Variants in TSHZ2 observed in about 807,000 individuals in gnomAD.
The protein encoded by TSHZ2 is teashirt zinc finger homeobox 2, also known as teashirt homolog 2.
TSHZ2 carries 21 observed loss-of-function variants against 74.4 expected under a neutral mutation model. The observed-to-expected ratio is 0.28, with a 90% CI of 0.20 to 0.41. The LOEUF (loss-of-function observed/expected upper bound fraction) is 0.41. TSHZ2 is among the 10% of genes least tolerant of loss of function. The probability of loss-of-function intolerance (pLI) is 1.00; values close to 1 mark genes in which losing one functional copy is unlikely to be tolerated. For missense variants in TSHZ2, 1,244 were observed against 1,293.5 expected (o/e 0.96, Z 0.59); for synonymous variants, 540 against 515.3 (o/e 1.05, Z -0.65).
At chr20:53,146,763 A>C (rs1987550006) in intron 1 of TSHZ2, among the ~76,000 whole-genome samples, 1 of 152,210 alleles carries the variant, frequency 6.6e-6, no homozygotes, top group Non-Finnish European at 1.5e-5. Context: ...AGTCTGTCTT[A>C]AGGTGACCAA....
chr20:53,125,578 C>T lies in TSHZ2; in HGVS notation c.41-127921C>T, dbSNP rs149855619. Among the ~76,000 whole-genome samples, 487 of 152,274 alleles carry T rather than the reference C, an allele frequency of 3.2e-3. 5 individuals carry two copies. Among genetic ancestry groups the T allele is most frequent in the African/African-American group, 0.011 (455 of 41,564 alleles). ...CTACCTCAGGCTCTTTCCCACCCTA[C>T]GTTCCTGCAGGGGTTCTTAAGTATT... On this transcript the variant is annotated intron_variant, in intron 1 of 2. Coordinates refer to ENST00000371497, the MANE Select transcript of TSHZ2 (RefSeq NM_173485.6).
intron 1 of TSHZ2, among the ~76,000 whole-genome samples, chr20:53,222,313 T>G (rs1989583407): frequency 6.6e-6 from 1 of 152,202 alleles, no homozygotes; most frequent in African/African-American, 2.4e-5. Flanking sequence ...CCTTGAAATC[T>G]TCAACATTCT....
chr20:53,330,426 T>A (rs896724392), intron 2 of TSHZ2, among the ~76,000 whole-genome samples: 3 of 152,174 alleles, frequency 2.0e-5, no homozygotes, highest in Non-Finnish European at 4.4e-5. Context: ...TTAAGAGTGA[T>A]AATAATGAGA....
At chr20:53,154,675 G>T (rs754375159) in intron 1 of TSHZ2, among the ~76,000 whole-genome samples, 1 of 152,170 alleles carries the variant, frequency 6.6e-6, no homozygotes, top group Admixed American at 6.5e-5. Context: ...AACTATGAGA[G>T]CTGGGCTTGA....
intron 2 of TSHZ2, among the ~76,000 whole-genome samples, chr20:53,346,644 G>A (rs533183162): frequency 7.9e-5 from 12 of 152,334 alleles, no homozygotes; most frequent in East Asian, 3.9e-4. Context: ...TGAGGGCCCC[G>A]TCTAGGGTAG....
chr20:53,003,423 C>A (rs1389122916), intron 1 of TSHZ2, among the ~76,000 whole-genome samples: 3 of 152,090 alleles, frequency 2.0e-5, no homozygotes, highest in African/African-American at 7.2e-5. Flanking sequence ...TTACTCCTTC[C>A]CTCTGTGAAC....
intron 1 of TSHZ2, among the ~76,000 whole-genome samples, chr20:53,171,348 C>A (rs1019392920): frequency 3.3e-5 from 5 of 152,206 alleles, no homozygotes; most frequent in Admixed American, 2.0e-4. Flanking sequence ...ACATTTCAGA[C>A]AGTGTGCATT....
chr20:53,175,136 T>TC (rs1988301861), intron 1 of TSHZ2, among the ~76,000 whole-genome samples: 2 of 85,714 alleles, frequency 2.3e-5, no homozygotes, highest in Non-Finnish European at 5.8e-5. Context: ...TCTTTCTTTT[T>TC]TTTTTTTTTT....
At chr20:53,182,931 A>G (rs1266102002) in intron 1 of TSHZ2, among the ~76,000 whole-genome samples, 1 of 152,236 alleles carries the variant, frequency 6.6e-6, no homozygotes, top group African/African-American at 2.4e-5. Context: ...GCTAGATGGA[A>G]CAAATCTAAT....
intron 1 of TSHZ2, among the ~76,000 whole-genome samples, chr20:53,177,538 T>C (rs1988373054): frequency 6.6e-6 from 1 of 152,206 alleles, no homozygotes; most frequent in Admixed American, 6.5e-5. Context: ...TGCCCTTTAA[T>C]TCCAGTTCTT....
chr20:53,454,230 A>G (rs1169377956), intron 2 of TSHZ2, among the ~76,000 whole-genome samples: 1 of 152,034 alleles, frequency 6.6e-6, no homozygotes, highest in East Asian at 1.9e-4. Context: ...TAGGCTGTGG[A>G]CTTCTTTGGC....
At chr20:53,382,889 C>G (rs1410382252) in intron 2 of TSHZ2, among the ~76,000 whole-genome samples, 3 of 152,052 alleles carry the variant, frequency 2.0e-5, no homozygotes, top group African/African-American at 7.3e-5. Context: ...CAAGTCACTG[C>G]TCCTCTCTGC....
chr20:53,132,066 C>T (rs908487726), intron 1 of TSHZ2, among the ~76,000 whole-genome samples: 20 of 152,036 alleles, frequency 1.3e-4, no homozygotes, highest in African/African-American at 4.3e-4. Context: ...ACCTCACATG[C>T]GCCTCACCCT....
At chr20:53,042,402 ATCACT>A (rs1984073276) in intron 1 of TSHZ2, among the ~76,000 whole-genome samples, 1 of 152,192 alleles carries the variant, frequency 6.6e-6, no homozygotes, top group African/African-American at 2.4e-5. Flanking sequence ...ACTGTGAGAA[ATCACT>A]TCAGTGTGCT....
At chr20:53,428,230 G>A (rs138199481) in intron 2 of TSHZ2, among the ~76,000 whole-genome samples, 27 of 152,306 alleles carry the variant, frequency 1.8e-4, no homozygotes, top group African/African-American at 5.8e-4. Flanking sequence ...AATTTGCTCC[G>A]CAGCTCTTTC....
At chr20:53,298,415 G>T (rs1204881774) in intron 2 of TSHZ2, among the ~76,000 whole-genome samples, 3 of 152,184 alleles carry the variant, frequency 2.0e-5, no homozygotes, top group African/African-American at 7.2e-5. Context: ...TGTGGACGGG[G>T]TCATCAAGGA....
At chr20:53,018,873 T>C (rs1205624480) in intron 1 of TSHZ2, among the ~76,000 whole-genome samples, 1 of 152,244 alleles carries the variant, frequency 6.6e-6, no homozygotes, top group Admixed American at 6.5e-5. Context: ...TTTCAATTCG[T>C]TTTCTGGATC....
intron 2 of TSHZ2, among the ~76,000 whole-genome samples, chr20:53,335,274 G>C (rs1979900178): frequency 6.6e-6 from 1 of 152,218 alleles, no homozygotes; most frequent in African/African-American, 2.4e-5. Context: ...GATGCACAGT[G>C]AGATTTGAGA....
At chr20:53,451,523 T>G (rs2145783639) in intron 2 of TSHZ2, among the ~76,000 whole-genome samples, 1 of 152,350 alleles carries the variant, frequency 6.6e-6, no homozygotes, top group South Asian at 2.1e-4. Context: ...CCAGATATTT[T>G]GGGACTTCTC....
Sources: allele counts gnomAD v4.1 joint callset (sites outside exome capture counted in the v4.1 genomes callset), GRCh38; gene constraint gnomAD v4.1.1; transcripts MANE v1.5; gene names NCBI Gene and HGNC (gene_info 2026-07-23, HGNC 2026-07-21).